PAPSS2: variants seen among roughly 807,000 people sequenced by gnomAD.
The protein encoded by PAPSS2 is bifunctional 3'-phosphoadenosine 5'-phosphosulfate synthase 2.
PAPSS2 carries 61 observed loss-of-function variants against 66.5 expected under a neutral mutation model. That is an observed-to-expected ratio of 0.92 (90% CI 0.75 to 1.14). PAPSS2 has a LOEUF of 1.14. Among genes scored for constraint, PAPSS2 ranks in the 50% most tolerant of loss-of-function variants. PAPSS2 has a pLI of 0.00. For missense variants in PAPSS2, 708 were observed against 789.6 expected (o/e 0.90, Z 1.24); for synonymous variants, 289 against 287.5 (o/e 1.01, Z -0.05).
At chr10:87,676,662 T>A (rs969002339) in intron 1 of PAPSS2, among the ~76,000 whole-genome samples, 19 of 151,714 alleles carry the variant, frequency 1.3e-4, no homozygotes, top group Admixed American at 1.1e-3. Flanking sequence ...ATATGTTGCG[T>A]TATATAGCAC....
At chr10:87,678,414 G>C (rs1039387620) in intron 1 of PAPSS2, among the ~76,000 whole-genome samples, 15 of 152,146 alleles carry the variant, frequency 9.9e-5, no homozygotes, top group African/African-American at 1.7e-4. Flanking sequence ...GACCTTAAAA[G>C]CATAGACACC....
intron 1 of PAPSS2, among the ~76,000 whole-genome samples, chr10:87,672,681 G>T (rs1196012976): frequency 6.6e-6 from 1 of 152,140 alleles, no homozygotes; most frequent in African/African-American, 2.4e-5. Context: ...ATAGACCAAG[G>T]CTTGAGGAAA....
At chr10:87,686,347 A>AG (rs1269078173) in intron 1 of PAPSS2, among the ~76,000 whole-genome samples, 55 of 151,496 alleles carry the variant, frequency 3.6e-4, no homozygotes, top group African/African-American at 1.3e-3. Flanking sequence ...TTTCCAAAAA[A>AG]AAAAAAAAAA....
chr10:87,713,977 A>T, intron 3 of PAPSS2, 67 bp from the exon 4 acceptor site: 2 of 1,551,766 alleles, frequency 1.3e-6, no homozygotes, highest in Non-Finnish European at 1.8e-6. Flanking sequence ...CAAAGTACAC[A>T]GTGTTTTGTG....
At chr10:87,688,551 C>T (rs1195912080) in intron 1 of PAPSS2, among the ~76,000 whole-genome samples, 2 of 151,834 alleles carry the variant, frequency 1.3e-5, no homozygotes, top group Non-Finnish European at 2.9e-5. Flanking sequence ...GCTCCGCCCC[C>T]CGGGTTCATG....
intron 1 of PAPSS2, among the ~76,000 whole-genome samples, chr10:87,696,147 C>T (rs1853232303): frequency 1.3e-5 from 2 of 152,168 alleles, no homozygotes; most frequent in South Asian, 4.1e-4. Flanking sequence ...TATCTTGGGT[C>T]CATTCGAGGG....
At chr10:87,731,223 C>T (rs1428710494) in intron 9 of PAPSS2, among the ~76,000 whole-genome samples, 1 of 152,160 alleles carries the variant, frequency 6.6e-6, no homozygotes, top group Non-Finnish European at 1.5e-5. Context: ...ATTTATTCTT[C>T]CTGTGCTCTA....
chr10:87,724,199 C>G (rs1398072246), intron 8 of PAPSS2, among the ~76,000 whole-genome samples: 2 of 151,454 alleles, frequency 1.3e-5, no homozygotes, highest in Non-Finnish European at 2.9e-5. Context: ...CCTTTAAGCC[C>G]CAGACTGAAA....
chr10:87,738,523 CCTCAGCCTG>C (rs1853828879), intron 9 of PAPSS2, among the ~76,000 whole-genome samples: 1 of 152,092 alleles, frequency 6.6e-6, no homozygotes, highest in African/African-American at 2.4e-5. Flanking sequence ...GATCCTCCCA[CCTCAGCCTG>C]CTGAGTAGCT....
Position 87,714,043 on chromosome 10 carries a change from G to A in PAPSS2, c.382-1G>A. On this transcript the variant is annotated splice_acceptor_variant, in intron 3 of 12. Transcript: ENST00000456849. LOFTEE classifies it high-confidence loss of function. The stretch of plus-strand genomic sequence containing the variant: ...ACATTCTTAATCATATTGCTTTTCA[G>A]GATCGTGAGAATGCCCGCAAAATAC... 1 of 1,613,794 alleles carries A rather than the reference G, an allele frequency of 6.2e-7. No individual in the cohort carries two copies. Among genetic ancestry groups the A allele is most frequent in the Non-Finnish European group, 8.5e-7 (1 of 1,179,776 alleles).
intron 6 of PAPSS2, 63 bp downstream of exon 6, chr10:87,715,161 A>G (rs1853517820): frequency 3.5e-6 from 3 of 862,696 alleles, no homozygotes; most frequent in Non-Finnish European, 5.9e-6. Context: ...TTTATTTACA[A>G]TTACTCTTAA....
rs1410684011 is a variant in PAPSS2, at chr10:87,747,490, T to G, written c.*1520T>G. ...GTCTTTAATAGTATAGTGCCTATACTCATGTAATCGGTTACTCACTACTGC... is the reference window on the plus strand; with the variant it reads ...GTCTTTAATAGTATAGTGCCTATACGCATGTAATCGGTTACTCACTACTGC... On this transcript the variant is annotated 3_prime_UTR_variant, in exon 13 of 13. Coordinates refer to ENST00000456849, the MANE Select transcript of PAPSS2 (RefSeq NM_001015880.2). 1 of 152,498 alleles carries G rather than the reference T, an allele frequency of 6.6e-6. No homozygotes were observed. The highest frequency in any genetic ancestry group is 1.5e-5 in the Non-Finnish European group (1 of 68,024). The allele number at this position is 152,498 out of a possible 1,614,324, so 9.4% of individuals were successfully genotyped here. A position where few individuals can be genotyped will look rare whatever the true frequency, so the allele number is the denominator to read the frequency against.
In PAPSS2 at chr10:87,715,021, GA is replaced by G; in HGVS notation, c.678del (p.Glu226AspfsTer35). The G allele has an allele frequency of 6.2e-7, 1 of 1,612,884 alleles. No homozygotes were observed. Among genetic ancestry groups the G allele is most frequent in the Non-Finnish European group, 8.5e-7 (1 of 1,178,982 alleles). The stretch of plus-strand genomic sequence containing the variant: ...CTATACTATAATCAAAGATATCCAC[GA>G]ACTCTTTGTGCCGGAAAACAAACTT... The part of the protein sequence containing the change: ...VPYTIIKDIH[E>X]LFVPENKLDH... On this transcript the variant is annotated frameshift_variant, in exon 6 of 13. Coordinates refer to ENST00000456849, the MANE Select transcript of PAPSS2 (RefSeq NM_001015880.2). LOFTEE classifies it high-confidence loss of function.
chr10:87,714,665 C>A, intron 4 of PAPSS2, 80 bp from the exon 5 acceptor site: 1 of 883,626 alleles, frequency 1.1e-6, no homozygotes, highest in Non-Finnish European at 1.9e-6. Context: ...TACATTATTC[C>A]AACATGTGTT....
chr10:87,736,012 C>T (rs928939120), intron 9 of PAPSS2, among the ~76,000 whole-genome samples: 14 of 152,108 alleles, frequency 9.2e-5, no homozygotes, highest in Non-Finnish European at 1.8e-4. Flanking sequence ...CTCTTGCCTC[C>T]CTCTTCTCTG....
chr10:87,735,457 G>A (rs545306967), intron 9 of PAPSS2, among the ~76,000 whole-genome samples: 8 of 152,276 alleles, frequency 5.3e-5, no homozygotes, highest in African/African-American at 1.9e-4. Context: ...GCATCCTCAG[G>A]GGTTTGGAGG....
intron 9 of PAPSS2, among the ~76,000 whole-genome samples, chr10:87,732,276 A>G (rs1853739492): frequency 6.6e-6 from 1 of 152,156 alleles, no homozygotes; most frequent in Non-Finnish European, 1.5e-5. Flanking sequence ...CTCACCCTGT[A>G]ATCCCAACAC....
chr10:87,677,317 G>A (rs1211475874), intron 1 of PAPSS2, among the ~76,000 whole-genome samples: 5 of 152,066 alleles, frequency 3.3e-5, no homozygotes, highest in South Asian at 2.1e-4. Context: ...TTTAAAGATG[G>A]CAACTTTGTT....
chr10:87,727,570 A>G, intron 9 of PAPSS2, 81 bp downstream of exon 9: 7 of 1,200,946 alleles, frequency 5.8e-6, no homozygotes, highest in Non-Finnish European at 8.4e-6. Flanking sequence ...TTCCTTTGCA[A>G]AGGACTTAGA....
Sources: allele counts gnomAD v4.1 joint callset (sites outside exome capture counted in the v4.1 genomes callset), GRCh38; gene constraint gnomAD v4.1.1; transcripts MANE v1.5; gene names NCBI Gene and HGNC (gene_info 2026-07-23, HGNC 2026-07-21).